TBC1D32: variants seen among roughly 807,000 people sequenced by gnomAD.
TBC1D32 encodes TBC1 domain family member 32, also known as protein broad-minded.
A neutral mutation model predicts 170.3 loss-of-function variants in TBC1D32; 151 were observed. The observed-to-expected ratio is 0.89, with a 90% CI of 0.78 to 1.01. The LOEUF is 1.01. Among genes scored for constraint, TBC1D32 ranks in the 50% least tolerant of loss-of-function variants. The probability of loss-of-function intolerance (pLI) is 0.00; values close to 1 mark genes in which losing one functional copy is unlikely to be tolerated. For synonymous variants in TBC1D32, 498 were observed against 488.0 expected, an observed-to-expected ratio of 1.02 and a Z score of -0.27; for missense variants, 1,464 against 1,457.1, an observed-to-expected ratio of 1.00 and a Z score of -0.08.
At chr6:121,259,056 C>T (rs931032517) in intron 15 of TBC1D32, among the ~76,000 whole-genome samples, 3 of 151,702 alleles carry the variant, frequency 2.0e-5, no homozygotes, top group Admixed American at 6.6e-5. Context: ...CCAGCACTTT[C>T]GGAGGCAAAG....
intron 21 of TBC1D32, among the ~76,000 whole-genome samples, chr6:121,216,944 C>A (rs1308554734): frequency 6.6e-6 from 1 of 152,178 alleles, no homozygotes; most frequent in African/African-American, 2.4e-5. Context: ...ATTACAGCTG[C>A]CTCTACCTAG....
At chr6:121,316,822 T>C (rs1808996928) in intron 3 of TBC1D32, among the ~76,000 whole-genome samples, 1 of 152,136 alleles carries the variant, frequency 6.6e-6, no homozygotes, top group African/African-American at 2.4e-5. Context: ...AGGTGAAAAA[T>C]GTTTGACTAA....
chr6:121,111,004 G>A (rs946058533), intron 29 of TBC1D32, among the ~76,000 whole-genome samples: 1 of 152,140 alleles, frequency 6.6e-6, no homozygotes, highest in African/African-American at 2.4e-5. Flanking sequence ...CAGTGTAGCT[G>A]CATCAGTAGA....
chr6:121,209,847 T>A (rs1489126868), intron 21 of TBC1D32, among the ~76,000 whole-genome samples: 2 of 152,192 alleles, frequency 1.3e-5, no homozygotes, highest in Non-Finnish European at 2.9e-5. Flanking sequence ...CTGACAGCAC[T>A]TGCAGTCCTG....
At chr6:121,089,801 T>C (rs1776619569) in intron 31 of TBC1D32, among the ~76,000 whole-genome samples, 1 of 152,032 alleles carries the variant, frequency 6.6e-6, no homozygotes, top group African/African-American at 2.4e-5. Flanking sequence ...TAAAATTAAT[T>C]TACATAGAAA....
chr6:121,273,114 T>C (rs1801708053), intron 15 of TBC1D32, among the ~76,000 whole-genome samples: 1 of 150,192 alleles, frequency 6.7e-6, no homozygotes. Flanking sequence ...TGTTGTGGGG[T>C]GGGGTGCTAG....
chr6:121,119,437 TTTAA>T (rs894466818), intron 26 of TBC1D32, among the ~76,000 whole-genome samples: 1 of 152,112 alleles, frequency 6.6e-6, no homozygotes, highest in Non-Finnish European at 1.5e-5. Context: ...TTTAAGAATA[TTTAA>T]TTAAATTTAA....
At chr6:121,276,762 A>G (rs1802276462) in intron 15 of TBC1D32, among the ~76,000 whole-genome samples, 1 of 152,220 alleles carries the variant, frequency 6.6e-6, no homozygotes, top group Non-Finnish European at 1.5e-5. Flanking sequence ...TAGCTGTATT[A>G]GTTTCAGACA....
intron 15 of TBC1D32, among the ~76,000 whole-genome samples, chr6:121,263,186 T>C (rs1018748657): frequency 1.3e-5 from 2 of 151,514 alleles, no homozygotes; most frequent in African/African-American, 4.8e-5. Flanking sequence ...AAGAGACTCA[T>C]CTCATATGCA....
intron 29 of TBC1D32, among the ~76,000 whole-genome samples, chr6:121,111,549 T>C (rs1178370213): frequency 1.3e-5 from 2 of 152,190 alleles, no homozygotes; most frequent in Non-Finnish European, 2.9e-5. Flanking sequence ...TTCTACTGAT[T>C]GCAGAAAAAC....
At chr6:121,250,891 G>C (rs1798199611) in intron 17 of TBC1D32, among the ~76,000 whole-genome samples, 1 of 152,106 alleles carries the variant, frequency 6.6e-6, no homozygotes, top group South Asian at 2.1e-4. Flanking sequence ...AAAGTCTCAG[G>C]ATACAAAATC....
chr6:121,330,131 A>C (rs1157626595), intron 1 of TBC1D32, among the ~76,000 whole-genome samples: 1 of 152,036 alleles, frequency 6.6e-6, no homozygotes, highest in Non-Finnish European at 1.5e-5. Context: ...CATTCTGGGC[A>C]CAAGAGATCC....
intron 24 of TBC1D32, among the ~76,000 whole-genome samples, chr6:121,138,574 A>C (rs1782404333): frequency 6.6e-6 from 1 of 152,208 alleles, no homozygotes; most frequent in African/African-American, 2.4e-5. Context: ...CACTTCCCTC[A>C]GTTCATAGGT....
chr6:121,226,197 T>A (rs897735315), intron 20 of TBC1D32, among the ~76,000 whole-genome samples: 1 of 152,048 alleles, frequency 6.6e-6, no homozygotes, highest in African/African-American at 2.4e-5. Flanking sequence ...AAAATAGGAA[T>A]AAAGGCATGG....
At chr6:121,104,817 TATA>T (rs926017854) in intron 30 of TBC1D32, among the ~76,000 whole-genome samples, 3 of 151,514 alleles carry the variant, frequency 2.0e-5, no homozygotes, top group Admixed American at 6.6e-5. Context: ...ATAGACTGAG[TATA>T]ATAACACAAT....
chr6:121,256,446 T>A (rs944818950), intron 15 of TBC1D32, among the ~76,000 whole-genome samples, 161 bp from the exon 16 acceptor site: 1 of 152,022 alleles, frequency 6.6e-6, no homozygotes, highest in Non-Finnish European at 1.5e-5. Context: ...TGTCTAGTAA[T>A]GAGAACAGTT....
chr6:121,128,967 G>T (rs1272486742), intron 25 of TBC1D32, among the ~76,000 whole-genome samples: 2 of 152,122 alleles, frequency 1.3e-5, no homozygotes, highest in East Asian at 3.9e-4. Context: ...AGGCTGAAGG[G>T]AGCTGTCCTT....
At chr6:121,263,168 C>G (rs1279453097) in intron 15 of TBC1D32, among the ~76,000 whole-genome samples, 1 of 151,740 alleles carries the variant, frequency 6.6e-6, no homozygotes, top group African/African-American at 2.4e-5. Flanking sequence ...AATCAGTGTG[C>G]TGTATTCAAG....
intron 24 of TBC1D32, among the ~76,000 whole-genome samples, chr6:121,148,373 T>C (rs896060271): frequency 3.3e-5 from 5 of 152,190 alleles, no homozygotes; most frequent in African/African-American, 9.6e-5. Context: ...ATTTTCTTTA[T>C]CAAGTCTATC....
Sources: allele counts gnomAD v4.1 joint callset (sites outside exome capture counted in the v4.1 genomes callset), GRCh38; gene constraint gnomAD v4.1.1; transcripts MANE v1.5; gene names NCBI Gene and HGNC (gene_info 2026-07-23, HGNC 2026-07-21).